ZNF880: variants seen among roughly 807,000 people sequenced by gnomAD.
ZNF880 encodes the protein zinc finger protein LOC400713.
In ZNF880, 12 loss-of-function variants were observed where a neutral mutation model predicts 11.8. That is an observed-to-expected ratio of 1.02 (90% CI 0.65 to 1.65). ZNF880 has a LOEUF of 1.65. Among genes scored for constraint, ZNF880 ranks in the 40% most tolerant of loss-of-function variants. The pLI, the probability that ZNF880 is intolerant of heterozygous loss-of-function variation, is 0.00. For synonymous variants in ZNF880, 210 were observed against 232.4 expected (o/e 0.90, Z 0.88); for missense variants, 601 against 673.9 (o/e 0.89, Z 1.20).
Position 52,383,880 on chromosome 19 carries a change from A to G in ZNF880, c.300A>G (p.Gly100=), listed in dbSNP as rs768908467. 6.5e-7 allele frequency: 1 copy of G among 1,539,388 alleles called. No homozygotes were observed. The highest frequency in any genetic ancestry group is 1.2e-5 in the South Asian group (1 of 80,812). ...ESSSKLGSNA[G]NKSLKNQLGL... is the part of the protein sequence containing the mutation. Reference sequence around the variant, plus strand: ...GCTCTAAATTGGGAAGCAATGCCGGAAACAAGTCTCTTAAAAATCAACTTG... The same window carrying G: ...GCTCTAAATTGGGAAGCAATGCCGGGAACAAGTCTCTTAAAAATCAACTTG... The change falls in exon 4 of 4, where the codon GGA becomes GGG. Residue 100 remains glycine (G), a synonymous_variant. Transcript: ENST00000422689.
In ZNF880 at chr19:52,378,734, A is replaced by G. The variant is rs372646187; in HGVS notation, c.268+4307A>G. Among the ~76,000 whole-genome samples, 7 of 151,914 alleles carry G rather than the reference A, an allele frequency of 4.6e-5. No individual in the cohort carries two copies. In the East Asian group the frequency reaches 1.2e-3, roughly 25 times the overall value. Reference sequence around the variant, plus strand: ...GCTCACTAGAATGATACATCTGGTTATAAGACTAAAGCCACTGCTGATTTT... The same window carrying G: ...GCTCACTAGAATGATACATCTGGTTGTAAGACTAAAGCCACTGCTGATTTT... On this transcript the variant is annotated intron_variant, in intron 3 of 3. Transcript: ENST00000422689.
downstream of ZNF880, among the ~76,000 whole-genome samples, chr19:52,386,475 T>C (rs1487642252): frequency 7.0e-6 from 1 of 143,346 alleles, no homozygotes; most frequent in African/African-American, 2.7e-5. Flanking sequence ...TAGGACTGCA[T>C]AGCAATCACT....
intron 3 of ZNF880, chr19:52,380,056 C>T (rs543779603): frequency 3.3e-5 from 5 of 152,200 alleles, no homozygotes; most frequent in African/African-American, 7.2e-5. Context: ...TGCCTCCATA[C>T]CCATCTAATT....
chr19:52,393,894 T>G, the ZNF880 span, among the ~76,000 whole-genome samples: 1 of 137,540 alleles, frequency 7.3e-6, no homozygotes, highest in Admixed American at 8.3e-5. Context: ...TGGAGTGCAG[T>G]GGCGCGATCT....
chr19:52,368,215 AAATAATAAT>A (rs869085808), upstream of ZNF880, among the ~76,000 whole-genome samples: 3 of 63,454 alleles, frequency 4.7e-5, no homozygotes, highest in East Asian at 3.1e-4. Context: ...AAAAAAAAAA[AAATAATAAT>A]AATACTGTAA....
chr19:52,386,273 T>C (rs1249769305), downstream of ZNF880, among the ~76,000 whole-genome samples: 1 of 143,112 alleles, frequency 7.0e-6, no homozygotes, highest in African/African-American at 2.7e-5. Flanking sequence ...AGAAGGACAC[T>C]GCGTTTTCTT....
chr19:52,385,422 A>G lies in ZNF880; in HGVS notation c.*108A>G. 1 of 1,231,808 alleles carries G rather than the reference A, an allele frequency of 8.1e-7. No homozygotes were observed. The highest frequency in any genetic ancestry group is 2.5e-5 in the Admixed American group (1 of 39,896). The allele number at this position is 1,231,808 out of a possible 1,614,324, so 76.3% of individuals were successfully genotyped here. On this transcript the variant is annotated 3_prime_UTR_variant, in exon 4 of 4. Coordinates refer to ENST00000422689, the MANE Select transcript of ZNF880 (RefSeq NM_001145434.2). ...TGAGTATGGCAAACTCTTCATGCTAAGTTCTAGCATTAATCAACATCAGAG... is the reference window on the plus strand; with the variant it reads ...TGAGTATGGCAAACTCTTCATGCTAGGTTCTAGCATTAATCAACATCAGAG...
the ZNF880 span, among the ~76,000 whole-genome samples, chr19:52,392,391 C>T: frequency 6.6e-6 from 1 of 152,182 alleles, no homozygotes; most frequent in African/African-American, 2.4e-5. Flanking sequence ...ACCGCCACCT[C>T]CCGGGTTCAA....
intron 1 of ZNF880, chr19:52,370,255 G>A: frequency 2.1e-6 from 1 of 479,984 alleles, no homozygotes; most frequent in Admixed American, 3.3e-5. Context: ...CCTAGACACG[G>A]CCCGCGCTGC....
intron 3 of ZNF880, among the ~76,000 whole-genome samples, chr19:52,380,655 C>T (rs1276601704): frequency 3.3e-5 from 5 of 151,996 alleles, no homozygotes; most frequent in East Asian, 1.9e-4. Context: ...TCTTGTAGTG[C>T]GTTTTATGTA....
rs757280378 is a variant in ZNF880 at position 52,385,122 on chromosome 19, T to C, written c.1542T>C (p.His514=). ...NSHLARHRQI[H]TGEKSYKCNE... The stretch of plus-strand genomic sequence containing the variant: ...ACCTTGCACGACATAGGCAAATTCA[T>C]ACTGGAGAGAAGTCTTACAAATGCA... Residue 514 remains histidine (H), a synonymous_variant, in exon 4 of 4, where the codon CAT becomes CAC. Coordinates refer to ENST00000422689, the MANE Select transcript of ZNF880 (RefSeq NM_001145434.2). 6.4e-7 allele frequency: 1 copy of C among 1,556,522 alleles called. No homozygotes were observed. Among genetic ancestry groups the C allele is most frequent in the Non-Finnish European group, 8.7e-7 (1 of 1,150,004 alleles).
chr19:52,386,953 A>C (rs1467588761), downstream of ZNF880, among the ~76,000 whole-genome samples: 1 of 144,484 alleles, frequency 6.9e-6, no homozygotes, highest in African/African-American at 2.7e-5. Flanking sequence ...TAGAATGTAC[A>C]TAGTTCTCAT....
At chr19:52,378,065 C>G (rs1397673049) in intron 3 of ZNF880, among the ~76,000 whole-genome samples, 1 of 152,132 alleles carries the variant, frequency 6.6e-6, no homozygotes, top group East Asian at 1.9e-4. Flanking sequence ...CTGACACTTT[C>G]ATGCTTGTAA....
In ZNF880 at chr19:52,385,350, C is replaced by G. The variant is rs764212489; in HGVS notation, c.*36C>G. ...GTAAGATCTTTAGTAATAATTCACA[C>G]CTTGCACAGCATGAGATAATTCATT... is the stretch of plus-strand genomic sequence containing the variant. On this transcript the variant is annotated 3_prime_UTR_variant, in exon 4 of 4. Coordinates refer to ENST00000422689, the MANE Select transcript of ZNF880 (RefSeq NM_001145434.2). 1 of 1,538,098 alleles carries G rather than the reference C, an allele frequency of 6.5e-7. No homozygotes were observed. Among genetic ancestry groups the G allele is most frequent in the South Asian group, 1.2e-5 (1 of 82,852 alleles).
downstream of ZNF880, among the ~76,000 whole-genome samples, chr19:52,388,306 T>TTTTTTTTTTTTG (rs1986949585): frequency 7.6e-6 from 1 of 131,088 alleles, no homozygotes; most frequent in African/African-American, 2.8e-5. Flanking sequence ...TTTTTTTTTT[T>TTTTTTTTTTTTG]AGGCAGAGTC....
Position 52,373,144 on chromosome 19 carries a change from T to A in ZNF880, c.46T>A (p.Phe16Ile). 2 of 1,613,332 alleles carry A rather than the reference T, an allele frequency of 1.2e-6. No homozygotes were observed. Among genetic ancestry groups the A allele is most frequent in the Admixed American group, 3.3e-5 (2 of 59,994 alleles). The change falls in exon 2 of 4, where the codon TTC (phenylalanine) becomes ATC (isoleucine). Residue 16 changes from phenylalanine to isoleucine, a missense_variant. Transcript: ENST00000422689. ...HLAFRDVAIE[F>I]PQEEWKCLDP... The stretch of plus-strand genomic sequence containing the variant: ...GGCATTCAGGGACGTGGCCATAGAA[T>A]TCCCTCAGGAGGAGTGGAAATGTCT...
intron 1 of ZNF880, among the ~76,000 whole-genome samples, chr19:52,372,667 C>T (rs963972902): frequency 8.1e-5 from 12 of 148,812 alleles, no homozygotes; most frequent in African/African-American, 2.7e-4. Context: ...TTTGGGAGGC[C>T]GAGGTGGGCG....
chr19:52,370,456 T>C (rs1332245658), intron 1 of ZNF880: 1 of 163,092 alleles, frequency 6.1e-6, no homozygotes, highest in Non-Finnish European at 1.4e-5. Flanking sequence ...TGGACAAAAT[T>C]AGGTTAGTGC....
intron 3 of ZNF880, among the ~76,000 whole-genome samples, chr19:52,380,831 C>T (rs551168152): frequency 7.0e-4 from 106 of 150,722 alleles, no homozygotes; most frequent in Non-Finnish European, 1.4e-3. Flanking sequence ...CATGTACCAC[C>T]ATGCCTGGCT....
Sources: gnomAD v4.1 joint callset for allele counts (sites outside exome capture counted in the v4.1 genomes callset) on GRCh38, gnomAD v4.1.1 for gene constraint, MANE v1.5 for transcripts, NCBI Gene and HGNC (gene_info 2026-07-23, HGNC 2026-07-21) for gene names.